SAMSN1: variants seen among roughly 807,000 people sequenced by gnomAD.
The protein encoded by SAMSN1 is SAM domain-containing protein SAMSN-1.
A neutral mutation model predicts 42.0 loss-of-function variants in SAMSN1; 31 were observed. The ratio of observed to expected loss-of-function variants is 0.74; its 90% confidence interval spans 0.55 to 1.00. The LOEUF (loss-of-function observed/expected upper bound fraction) is 1.00. SAMSN1 is among the 50% of genes least tolerant of loss of function. SAMSN1 has a pLI of 0.00. For missense variants in SAMSN1, 464 were observed against 439.4 expected (o/e 1.06, Z -0.50); for synonymous variants, 178 against 151.9 (o/e 1.17, Z -1.26).
upstream of SAMSN1, among the ~76,000 whole-genome samples, chr21:14,584,480 C>G (rs981382485): frequency 2.0e-5 from 3 of 152,134 alleles, no homozygotes; most frequent in African/African-American, 7.2e-5. Context: ...ATGTTTCCCA[C>G]TAGTTTACTG....
intron 6 of SAMSN1, among the ~76,000 whole-genome samples, chr21:14,601,356 C>T (rs1158863621): frequency 1.3e-5 from 2 of 152,148 alleles, no homozygotes; most frequent in African/African-American, 2.4e-5. Flanking sequence ...TGTGAGCCCC[C>T]CCTTCCTCAC....
rs1030083384 is a variant in SAMSN1 at position 14,526,022 on chromosome 21, C to T, written c.58-4801G>A. Among the ~76,000 whole-genome samples, 6 of 152,000 alleles carry T rather than the reference C, an allele frequency of 3.9e-5. 1 individual carries two copies. The East Asian group carries it at 5.8e-4, about 15-fold the overall frequency. On this transcript the variant is annotated intron_variant, in intron 1 of 7. Transcript: ENST00000400566. Reference sequence around the variant, plus strand: ...CTGGGATTACAGGCTTGCACCCCCACGCCCAGCTAATTTTTTTGTATTTTT... The same window carrying T: ...CTGGGATTACAGGCTTGCACCCCCATGCCCAGCTAATTTTTTTGTATTTTT...
At chr21:14,486,523 A>T (rs1986445677) in intron 7 of SAMSN1, among the ~76,000 whole-genome samples, 1 of 152,330 alleles carries the variant, frequency 6.6e-6, no homozygotes, top group Non-Finnish European at 1.5e-5. Context: ...TAAATGCACA[A>T]TCCAAGTCAA....
At chr21:14,544,850 A>T (rs1421789788) in intron 1 of SAMSN1, among the ~76,000 whole-genome samples, 3 of 152,104 alleles carry the variant, frequency 2.0e-5, no homozygotes, top group African/African-American at 7.2e-5. Flanking sequence ...TTAGATTTTA[A>T]ATACTTTGAG....
At chr21:14,513,751 T>C (rs1326715244) in intron 3 of SAMSN1, among the ~76,000 whole-genome samples, 1 of 152,154 alleles carries the variant, frequency 6.6e-6, no homozygotes, top group Non-Finnish European at 1.5e-5. Flanking sequence ...AGATGTAACT[T>C]ATGTGAAGCT....
chr21:14,500,719 T>C lies in SAMSN1; in HGVS notation c.578A>G (p.Asp193Gly), dbSNP rs755443689. 1.2e-6 allele frequency: 2 copies of C among 1,613,506 alleles called. No individual in the cohort carries two copies. The highest frequency in any genetic ancestry group is 2.2e-5 in the South Asian group (2 of 91,068). Residue 193 changes from aspartate to glycine, a missense_variant, in exon 6 of 8, where the codon GAC (aspartate) becomes GGC (glycine). Asp to Gly is a moderately conservative substitution (Grantham distance 94, BLOSUM62 -1). Coordinates refer to ENST00000400566, the MANE Select transcript of SAMSN1 (RefSeq NM_022136.5). ...SLKIKKGDII[D>G]IICKTPMGMW... ...CCCCATTGGTGTTTTGCAAATAATG[T>C]CTATGATGTCTCCTTTCTAAGGGCA...
intron 2 of SAMSN1, among the ~76,000 whole-genome samples, chr21:14,564,373 A>G (rs1981043349): frequency 6.6e-6 from 1 of 152,212 alleles, no homozygotes; most frequent in South Asian, 2.1e-4. Flanking sequence ...GCAAACATTT[A>G]TTGATAATCT....
At chr21:14,505,557 A>T (rs1987362503) in intron 5 of SAMSN1, among the ~76,000 whole-genome samples, 1 of 152,246 alleles carries the variant, frequency 6.6e-6, no homozygotes, top group Non-Finnish European at 1.5e-5. Context: ...TCACAATCCT[A>T]AACATGTATG....
Position 14,500,686 on chromosome 21 carries a change from G to A in SAMSN1, c.611C>T (p.Thr204Ile), listed in dbSNP as rs776958954. 5 of 1,613,852 alleles carry A rather than the reference G, an allele frequency of 3.1e-6. No individual in the cohort carries two copies. Among genetic ancestry groups the A allele is most frequent in the South Asian group, 2.2e-5 (2 of 91,082 alleles). ...TCCCACTTTATTGTTCAACATTCCT[G>A]TCCACATCCCCATTGGTGTTTTGCA... is the stretch of plus-strand genomic sequence containing the variant. ...IICKTPMGMW[T>I]GMLNNKVGNF... The change falls in exon 6 of 8, where the codon ACA (threonine) becomes ATA (isoleucine). Residue 204 changes from threonine (T) to isoleucine (I), a missense_variant. By Grantham distance (89) the Thr-to-Ile change is moderately conservative. Coordinates refer to ENST00000400566, the MANE Select transcript of SAMSN1 (RefSeq NM_022136.5).
chr21:14,525,275 A>T (rs986848307), intron 1 of SAMSN1, among the ~76,000 whole-genome samples: 2 of 152,196 alleles, frequency 1.3e-5, no homozygotes, highest in Non-Finnish European at 2.9e-5. Context: ...AAAGAAAGGA[A>T]GCAAGAAAGC....
intron 1 of SAMSN1, among the ~76,000 whole-genome samples, chr21:14,533,616 T>C (rs1979405738): frequency 6.6e-6 from 1 of 152,186 alleles, no homozygotes; most frequent in African/African-American, 2.4e-5. Flanking sequence ...TGCAGAAATA[T>C]ACAACTTCAA....
chr21:14,506,447 A>G (rs1026085575), intron 5 of SAMSN1, among the ~76,000 whole-genome samples: 2 of 152,212 alleles, frequency 1.3e-5, no homozygotes, highest in African/African-American at 2.4e-5. Flanking sequence ...AACCTAGAAG[A>G]CATGGATAAA....
chr21:14,581,561 T>C (rs1300124881), intron 2 of SAMSN1, among the ~76,000 whole-genome samples: 1 of 151,070 alleles, frequency 6.6e-6, no homozygotes, highest in Non-Finnish European at 1.5e-5. Context: ...GGGTTTCACC[T>C]TGTTAGCCAG....
chr21:14,626,168 T>TA (rs911804067), intron 2 of SAMSN1, among the ~76,000 whole-genome samples: 1 of 152,124 alleles, frequency 6.6e-6, no homozygotes, highest in Non-Finnish European at 1.5e-5. Context: ...CCTAAAACCA[T>TA]AAAAACCCTA....
At chr21:14,581,266 A>G (rs554873182) in intron 2 of SAMSN1, among the ~76,000 whole-genome samples, 24 of 143,926 alleles carry the variant, frequency 1.7e-4, no homozygotes, top group Non-Finnish European at 3.0e-4. Context: ...ACCTCCTGTT[A>G]GCTGTCTGAC....
At chr21:14,620,048 T>A (rs1470605889) in intron 2 of SAMSN1, among the ~76,000 whole-genome samples, 1 of 152,136 alleles carries the variant, frequency 6.6e-6, no homozygotes, top group Non-Finnish European at 1.5e-5. Flanking sequence ...GGAATTATAA[T>A]TCTATGGCCT....
At chr21:14,659,058 C>T (rs1983958892), upstream of SAMSN1, among the ~76,000 whole-genome samples, 1 of 151,898 alleles carries the variant, frequency 6.6e-6, no homozygotes, top group Non-Finnish European at 1.5e-5. Flanking sequence ...AGTCCTAAAA[C>T]CTGCAGTGAA....
At chr21:14,553,364 A>T (rs1242598443) in intron 2 of SAMSN1, among the ~76,000 whole-genome samples, 4 of 152,164 alleles carry the variant, frequency 2.6e-5, no homozygotes. Context: ...TTTCACCAAT[A>T]AATACTCTGA....
chr21:14,637,362 AATG>A (rs1983493911), intron 2 of SAMSN1, among the ~76,000 whole-genome samples: 2 of 152,222 alleles, frequency 1.3e-5, no homozygotes, highest in South Asian at 4.1e-4. Flanking sequence ...TACATGTTGA[AATG>A]ATAATACTTT....
Sources: gnomAD v4.1 joint callset for allele counts (sites outside exome capture counted in the v4.1 genomes callset) on GRCh38, gnomAD v4.1.1 for gene constraint, MANE v1.5 for transcripts, NCBI Gene and HGNC (gene_info 2026-07-23, HGNC 2026-07-21) for gene names.